Variants in ATG5 observed in about 807,000 individuals in gnomAD.
The protein encoded by ATG5 is autophagy protein 5.
Under a neutral mutation model 36.5 loss-of-function variants are expected in ATG5, and 14 were observed. The ratio of observed to expected loss-of-function variants is 0.38; its 90% CI spans 0.25 to 0.60. The LOEUF is 0.60. Among genes scored for constraint, ATG5 ranks in the 20% least tolerant of loss-of-function variants. The pLI is 0.60. For missense variants in ATG5, 195 were observed against 326.7 expected, an observed-to-expected ratio of 0.60 and a Z score of 3.11; for synonymous variants, 95 against 101.5, an observed-to-expected ratio of 0.94 and a Z score of 0.38.
chr6:106,293,162 G>A (rs888681869), intron 3 of ATG5, 56 bp from the exon 4 acceptor site: 11 of 1,429,960 alleles, frequency 7.7e-6, no homozygotes, highest in Admixed American at 3.6e-5. Context: ...ATAACTACAA[G>A]GCCAAAATAA....
intron 5 of ATG5, among the ~76,000 whole-genome samples, chr6:106,271,243 C>T (rs892662911): frequency 1.3e-5 from 2 of 152,196 alleles, no homozygotes; most frequent in African/African-American, 2.4e-5. Flanking sequence ...TTTGACTTCT[C>T]AAAACATACC....
intron 5 of ATG5, among the ~76,000 whole-genome samples, chr6:106,266,398 C>T (rs1048667959): frequency 1.3e-5 from 2 of 152,186 alleles, no homozygotes; most frequent in African/African-American, 4.8e-5. Flanking sequence ...GGATTCACAG[C>T]TGAATTCTAC....
intron 1 of ATG5, among the ~76,000 whole-genome samples, chr6:106,321,616 C>A (rs986548532): frequency 2.6e-5 from 4 of 152,164 alleles, no homozygotes; most frequent in Non-Finnish European, 5.9e-5. Context: ...CCTCGGCCTC[C>A]CAAAGTGCTG....
intron 6 of ATG5, among the ~76,000 whole-genome samples, chr6:106,226,346 G>A (rs1777452236): frequency 6.6e-6 from 1 of 152,136 alleles, no homozygotes; most frequent in South Asian, 2.1e-4. Context: ...CTGGTTTCCA[G>A]AGTTATTCTG....
intron 3 of ATG5, among the ~76,000 whole-genome samples, chr6:106,295,667 G>A (rs550524444): frequency 1.3e-5 from 2 of 151,538 alleles, no homozygotes; most frequent in South Asian, 2.1e-4. Flanking sequence ...GGGCTCAAGC[G>A]ATCCTCCCAC....
intron 1 of ATG5, among the ~76,000 whole-genome samples, chr6:106,317,208 T>C (rs768274586): frequency 2.6e-4 from 39 of 152,222 alleles, no homozygotes; most frequent in Non-Finnish European, 4.7e-4. Context: ...GTTGATAATA[T>C]ACACTTAGAG....
At chr6:106,233,884 A>T (rs1447520458) in intron 6 of ATG5, among the ~76,000 whole-genome samples, 1 of 152,220 alleles carries the variant, frequency 6.6e-6, no homozygotes, top group Non-Finnish European at 1.5e-5. Context: ...AGTTTCTATG[A>T]AGAATGCGGC....
At chr6:106,282,187 G>A (rs934441669) in intron 4 of ATG5, among the ~76,000 whole-genome samples, 1 of 152,168 alleles carries the variant, frequency 6.6e-6, no homozygotes, top group African/African-American at 2.4e-5. Flanking sequence ...CATGTTATGA[G>A]CTGTACTCAT....
intron 3 of ATG5, 95 bp from the exon 4 acceptor site, chr6:106,293,201 G>T: frequency 1.1e-6 from 1 of 945,670 alleles, no homozygotes; most frequent in Non-Finnish European, 1.7e-6. Context: ...AACACCAAAT[G>T]TCAGGGGCTT....
intron 5 of ATG5, among the ~76,000 whole-genome samples, chr6:106,278,553 C>T (rs1343578202): frequency 1.3e-5 from 2 of 152,170 alleles, no homozygotes; most frequent in South Asian, 2.1e-4. Context: ...TCAGTAAGTT[C>T]CCCTGGCTGC....
intron 6 of ATG5, among the ~76,000 whole-genome samples, chr6:106,238,198 T>C (rs1168454091): frequency 6.6e-6 from 1 of 152,104 alleles, no homozygotes; most frequent in Non-Finnish European, 1.5e-5. Flanking sequence ...AGAGACGGAG[T>C]CTTGCTCTGT....
rs142451865 is a variant in ATG5 at position 106,300,705 on chromosome 6, G to T, written c.237-7599C>A. On this transcript the variant is annotated intron_variant, in intron 3 of 7. Transcript: ENST00000369076. The stretch of plus-strand genomic sequence containing the variant: ...ATACTCTAGACAACTGTAACACAAT[G>T]ATAAGTATGTATGCATCTAAACACA... Among the ~76,000 whole-genome samples, 6 of 152,138 alleles carry T rather than the reference G, an allele frequency of 3.9e-5. No homozygotes were observed. The East Asian group carries it at 1.2e-3, about 29-fold the overall frequency.
intron 6 of ATG5, among the ~76,000 whole-genome samples, chr6:106,203,592 C>T (rs528672522): frequency 6.6e-6 from 1 of 152,114 alleles, no homozygotes; most frequent in African/African-American, 2.4e-5. Flanking sequence ...CAGAGAAATG[C>T]CATACATACA....
At chr6:106,321,201 A>G (rs1771050223) in intron 1 of ATG5, among the ~76,000 whole-genome samples, 1 of 152,188 alleles carries the variant, frequency 6.6e-6, no homozygotes, top group Admixed American at 6.5e-5. Context: ...GAAGATAATT[A>G]TAATTTTCAC....
chr6:106,300,059 T>C (rs766319918), intron 3 of ATG5, among the ~76,000 whole-genome samples: 1 of 152,202 alleles, frequency 6.6e-6, no homozygotes, highest in Non-Finnish European at 1.5e-5. Context: ...TCTAAGCCCA[T>C]TCTTATATAT....
intron 6 of ATG5, among the ~76,000 whole-genome samples, chr6:106,231,593 CT>C (rs925768723): frequency 1.3e-5 from 2 of 152,174 alleles, no homozygotes; most frequent in African/African-American, 4.8e-5. Context: ...GAAGAAAATC[CT>C]ACCGCCTTTC....
chr6:106,274,641 A>G (rs1281797270), intron 5 of ATG5, among the ~76,000 whole-genome samples: 1 of 152,204 alleles, frequency 6.6e-6, no homozygotes, highest in African/African-American at 2.4e-5. Context: ...TCTACATAAA[A>G]TCCAATTCCA....
intron 4 of ATG5, among the ~76,000 whole-genome samples, chr6:106,285,217 C>T (rs1186507502): frequency 1.3e-5 from 2 of 152,054 alleles, no homozygotes; most frequent in Non-Finnish European, 2.9e-5. Flanking sequence ...GTAGTAAATT[C>T]CTCATTTCAG....
intron 5 of ATG5, among the ~76,000 whole-genome samples, chr6:106,257,201 C>CA (rs1288785587): frequency 6.6e-6 from 1 of 152,142 alleles, no homozygotes. Flanking sequence ...CTGTCATCTC[C>CA]AATGAAAACG....
Sources: gnomAD v4.1 joint callset for allele counts (sites outside exome capture counted in the v4.1 genomes callset) on GRCh38, gnomAD v4.1.1 for gene constraint, MANE v1.5 for transcripts, NCBI Gene and HGNC (gene_info 2026-07-23, HGNC 2026-07-21) for gene names.